CA10: variants seen among roughly 807,000 people sequenced by gnomAD.
CA10 encodes the protein carbonic anhydrase 10 (inactive), also known as carbonic anhydrase-related protein 10.
A neutral mutation model predicts 44.2 loss-of-function variants in CA10; 14 were observed. The observed-to-expected ratio is 0.32, with a 90% CI of 0.21 to 0.50. CA10 has a LOEUF of 0.50. Ranked by LOEUF, CA10 falls within the 20% of genes least tolerant of loss-of-function variation. CA10 has a pLI of 0.99. For missense variants in CA10, 350 were observed against 409.7 expected (o/e 0.85, Z 1.26); for synonymous variants, 159 against 141.6 (o/e 1.12, Z -0.87).
intron 2 of CA10, among the ~76,000 whole-genome samples, chr17:51,937,747 T>C (rs1418724045): frequency 6.6e-6 from 1 of 152,128 alleles, no homozygotes; most frequent in Non-Finnish European, 1.5e-5. Flanking sequence ...CAAAATATGA[T>C]AGATGTTATA....
At chr17:51,885,470 C>T (rs1337044153) in intron 3 of CA10, among the ~76,000 whole-genome samples, 3 of 151,140 alleles carry the variant, frequency 2.0e-5, no homozygotes, top group Non-Finnish European at 4.4e-5. Flanking sequence ...TCTTTCTCTC[C>T]CCTTCACCCC....
At chr17:51,671,395 C>G (rs559598697) in intron 4 of CA10, among the ~76,000 whole-genome samples, 9 of 111,266 alleles carry the variant, frequency 8.1e-5, no homozygotes, top group Non-Finnish European at 1.4e-4. Flanking sequence ...ACATTTGGGT[C>G]ATTTTTTTTG....
intron 6 of CA10, among the ~76,000 whole-genome samples, chr17:51,646,201 T>C (rs889101017): frequency 6.6e-6 from 1 of 152,258 alleles, no homozygotes; most frequent in African/African-American, 2.4e-5. Flanking sequence ...ACTTCACCTC[T>C]TGAAGCCTTG....
chr17:51,945,367 G>C (rs185316284), intron 2 of CA10, among the ~76,000 whole-genome samples: 1 of 152,232 alleles, frequency 6.6e-6, no homozygotes. Context: ...CTTGCTGGGA[G>C]ACCACAGGCT....
intron 3 of CA10, among the ~76,000 whole-genome samples, chr17:51,866,092 A>T (rs751306551): frequency 6.6e-6 from 1 of 152,250 alleles, no homozygotes; most frequent in Non-Finnish European, 1.5e-5. Flanking sequence ...AAACAAAGGC[A>T]ATGTTTTAAA....
intron 3 of CA10, among the ~76,000 whole-genome samples, chr17:51,865,357 C>T (rs1205355805): frequency 2.0e-5 from 3 of 152,202 alleles, no homozygotes; most frequent in African/African-American, 7.2e-5. Flanking sequence ...GGGTCTGGAA[C>T]ATGGTAGGTG....
chr17:51,928,150 A>C (rs1982505249), intron 3 of CA10, among the ~76,000 whole-genome samples: 1 of 152,186 alleles, frequency 6.6e-6, no homozygotes, highest in Admixed American at 6.5e-5. Context: ...ATCCAAGTCG[A>C]AACAAAAAAT....
chr17:52,092,895 G>A (rs1988305066), intron 1 of CA10, among the ~76,000 whole-genome samples: 1 of 152,050 alleles, frequency 6.6e-6, no homozygotes, highest in Non-Finnish European at 1.5e-5. Context: ...AAAATAAAAG[G>A]TAAAATAATT....
intron 3 of CA10, among the ~76,000 whole-genome samples, chr17:51,832,040 T>A (rs1408466981): frequency 2.0e-5 from 3 of 152,168 alleles, no homozygotes; most frequent in African/African-American, 7.2e-5. Context: ...CATTCCTGTT[T>A]TCCCCAGGCC....
At chr17:52,115,741 T>C (rs952321680) in intron 1 of CA10, among the ~76,000 whole-genome samples, 2 of 152,228 alleles carry the variant, frequency 1.3e-5, no homozygotes, top group Non-Finnish European at 2.9e-5. Context: ...TTCCCTGCCA[T>C]GCACCGGGAG....
intron 4 of CA10, among the ~76,000 whole-genome samples, chr17:51,698,736 G>A (rs1915485591): frequency 6.6e-6 from 1 of 151,974 alleles, no homozygotes; most frequent in Non-Finnish European, 1.5e-5. Flanking sequence ...TCCAACCCCT[G>A]GTAACCACCA....
rs71149387 is a variant in CA10, at chr17:51,961,188, A to AACACACACAC, written c.137-30066_137-30057dup. On this transcript the variant is annotated intron_variant, in intron 2 of 8. Coordinates refer to ENST00000451037, the MANE Select transcript of CA10 (RefSeq NM_020178.5). ...TACTCTCTCTCTGTATGTACACACA[A>AACACACACAC]ACACACACACACACACACACACACA... 2.7e-3 allele frequency among the ~76,000 whole-genome samples: 391 copies of AACACACACAC among 145,094 alleles called. 4 individuals carry two copies. Among genetic ancestry groups the AACACACACAC allele is most frequent in the African/African-American group, 6.8e-3 (267 of 38,988 alleles).
At chr17:51,797,172 G>A (rs1906742885) in intron 3 of CA10, among the ~76,000 whole-genome samples, 1 of 152,188 alleles carries the variant, frequency 6.6e-6, no homozygotes, top group South Asian at 2.1e-4. Flanking sequence ...AGCTCCAGCG[G>A]TTGGTGGATG....
At chr17:51,785,789 G>A (rs192443971) in intron 3 of CA10, among the ~76,000 whole-genome samples, 6 of 152,176 alleles carry the variant, frequency 3.9e-5, no homozygotes, top group African/African-American at 1.4e-4. Context: ...GCTATTTTGG[G>A]TCTTTTATGG....
chr17:52,052,543 C>T (rs570397132), intron 2 of CA10, among the ~76,000 whole-genome samples: 63 of 152,102 alleles, frequency 4.1e-4, no homozygotes, highest in Admixed American at 3.7e-3. Flanking sequence ...GAATACATAA[C>T]AACTTCAATA....
At chr17:51,673,892 G>C (rs975548999) in intron 4 of CA10, among the ~76,000 whole-genome samples, 6 of 152,168 alleles carry the variant, frequency 3.9e-5, no homozygotes, top group African/African-American at 1.4e-4. Flanking sequence ...AGCCGGCCAT[G>C]CCAAGCCACT....
At chr17:52,031,384 A>C (rs915236585) in intron 2 of CA10, among the ~76,000 whole-genome samples, 2 of 152,030 alleles carry the variant, frequency 1.3e-5, no homozygotes, top group Non-Finnish European at 2.9e-5. Flanking sequence ...TCCTGACCTC[A>C]AGTGATCCAC....
intron 3 of CA10, among the ~76,000 whole-genome samples, chr17:51,906,281 TC>T (rs979164654): frequency 1.3e-5 from 2 of 152,258 alleles, no homozygotes; most frequent in East Asian, 3.9e-4. Context: ...AGCAGGTTTT[TC>T]CCCCCGGTAT....
intron 3 of CA10, among the ~76,000 whole-genome samples, chr17:51,915,313 T>C (rs1227384559): frequency 1.3e-5 from 2 of 152,202 alleles, no homozygotes. Context: ...TGCTCCCACT[T>C]GAATGCCTCC....
Sources: gnomAD v4.1 joint callset for allele counts (sites outside exome capture counted in the v4.1 genomes callset) on GRCh38, gnomAD v4.1.1 for gene constraint, MANE v1.5 for transcripts, NCBI Gene and HGNC (gene_info 2026-07-23, HGNC 2026-07-21) for gene names.